SLC12A8: variants seen among roughly 807,000 people sequenced by gnomAD.
The protein encoded by SLC12A8 is cation-chloride cotransporter 9.
In SLC12A8, 69 loss-of-function variants were observed where a neutral mutation model predicts 75.6. The ratio of observed to expected loss-of-function variants is 0.91; its 90% CI spans 0.75 to 1.11. The LOEUF is 1.11. Ranked by LOEUF, SLC12A8 falls within the 50% of genes most tolerant of loss-of-function variation. SLC12A8 has a pLI of 0.00. For missense variants in SLC12A8, 877 were observed against 896.7 expected (o/e 0.98, Z 0.28); for synonymous variants, 365 against 372.8 (o/e 0.98, Z 0.24).
intron 2 of SLC12A8, among the ~76,000 whole-genome samples, chr3:125,198,608 G>A (rs1935053318): frequency 6.6e-6 from 1 of 152,060 alleles, no homozygotes; most frequent in Non-Finnish European, 1.5e-5. Flanking sequence ...ACTCCAGCCT[G>A]GGGGAGAATA....
At chr3:125,139,491 A>G (rs1403929568) in intron 5 of SLC12A8, among the ~76,000 whole-genome samples, 2 of 151,838 alleles carry the variant, frequency 1.3e-5, no homozygotes, top group Admixed American at 1.3e-4. Context: ...CCCCTCACCT[A>G]TCACCACCCC....
chr3:125,130,589 C>A (rs1251153192), intron 6 of SLC12A8, among the ~76,000 whole-genome samples: 2 of 79,408 alleles, frequency 2.5e-5, no homozygotes, highest in African/African-American at 3.6e-5. Flanking sequence ...GAGACCCTGT[C>A]TTAAAAAAAA....
chr3:125,200,374 G>C (rs1389785141), intron 2 of SLC12A8, among the ~76,000 whole-genome samples: 1 of 152,272 alleles, frequency 6.6e-6, no homozygotes, highest in East Asian at 1.9e-4. Flanking sequence ...ATCTGAGCCT[G>C]GGAGGTTAAG....
intron 2 of SLC12A8, among the ~76,000 whole-genome samples, chr3:125,210,416 A>T (rs1935313762): frequency 6.6e-6 from 1 of 152,192 alleles, no homozygotes; most frequent in Non-Finnish European, 1.5e-5. Context: ...GCTGAGGCTG[A>T]AGAGTTTGAG....
intron 5 of SLC12A8, among the ~76,000 whole-genome samples, chr3:125,168,594 A>G (rs1934342652): frequency 6.6e-6 from 1 of 152,178 alleles, no homozygotes; most frequent in South Asian, 2.1e-4. Context: ...GAACAGGAAA[A>G]CCAAGAAGAG....
At chr3:125,113,323 A>T (rs1001997741) in intron 8 of SLC12A8, among the ~76,000 whole-genome samples, 1 of 152,196 alleles carries the variant, frequency 6.6e-6, no homozygotes, top group Non-Finnish European at 1.5e-5. Flanking sequence ...TTACCACTTT[A>T]AAAAAATATA....
At chr3:125,142,630 C>G (rs781038502) in intron 5 of SLC12A8, among the ~76,000 whole-genome samples, 1 of 152,232 alleles carries the variant, frequency 6.6e-6, no homozygotes, top group African/African-American at 2.4e-5. Flanking sequence ...TGTAAACAAG[C>G]CCTTTTCCCT....
intron 5 of SLC12A8, among the ~76,000 whole-genome samples, chr3:125,155,567 C>T (rs1251119400): frequency 2.0e-5 from 3 of 149,676 alleles, no homozygotes; most frequent in Admixed American, 6.7e-5. Context: ...GTCAGGAGAT[C>T]GAGACCATCC....
intron 5 of SLC12A8, among the ~76,000 whole-genome samples, chr3:125,150,056 T>C (rs549516863): frequency 1.3e-5 from 2 of 152,300 alleles, no homozygotes; most frequent in East Asian, 3.9e-4. Flanking sequence ...CCTAGAAAAA[T>C]ACACTTATTT....
intron 10 of SLC12A8, among the ~76,000 whole-genome samples, chr3:125,105,533 A>G (rs1445497694): frequency 6.6e-6 from 1 of 152,246 alleles, no homozygotes; most frequent in African/African-American, 2.4e-5. Flanking sequence ...CCAAGCAAAG[A>G]AAAAACCAAG....
At chr3:125,179,602 T>C (rs573634273) in intron 4 of SLC12A8, among the ~76,000 whole-genome samples, 138 of 152,260 alleles carry the variant, frequency 9.1e-4, no homozygotes, top group Admixed American at 1.8e-3. Context: ...AAATTTACAC[T>C]TAGCTTAACA....
At chr3:125,090,289 G>A (rs528749378) in intron 12 of SLC12A8, among the ~76,000 whole-genome samples, 3 of 152,180 alleles carry the variant, frequency 2.0e-5, no homozygotes, top group South Asian at 4.2e-4. Flanking sequence ...CTCTGTTCTT[G>A]AATTGACTTG....
intron 10 of SLC12A8, among the ~76,000 whole-genome samples, chr3:125,098,399 T>C (rs985493762): frequency 5.3e-5 from 8 of 152,198 alleles, no homozygotes; most frequent in African/African-American, 1.9e-4. Flanking sequence ...TTTGGGGTTG[T>C]TTCCTTGATA....
intron 6 of SLC12A8, chr3:125,120,943 C>G: frequency 1.5e-6 from 1 of 681,954 alleles, no homozygotes; most frequent in Non-Finnish European, 2.6e-6. Flanking sequence ...AGCATCCTAC[C>G]GCTCAGCGCA....
At chr3:125,204,402 AAATG>A (rs1935186583) in intron 2 of SLC12A8, among the ~76,000 whole-genome samples, 1 of 152,258 alleles carries the variant, frequency 6.6e-6, no homozygotes, top group Admixed American at 6.5e-5. Flanking sequence ...TTAGCCATAA[AAATG>A]AATGAAATCC....
chr3:125,132,993 A>G lies in SLC12A8; in HGVS notation c.736+2676T>C, dbSNP rs1433723714. On this transcript the variant is annotated intron_variant, in intron 6 of 13. Coordinates refer to ENST00000469902, the MANE Select transcript of SLC12A8 (RefSeq NM_024628.6). ...AGTTAAATAAAGTGAGAGACTAAAA[A>G]TGCACGCTGCATTTAGTAACAAGGA... Among the ~76,000 whole-genome samples the G allele has an allele frequency of 2.0e-5, 3 of 152,102 alleles. No homozygotes were observed. The East Asian group carries it at 5.8e-4, about 29-fold the overall frequency.
At chr3:125,122,653 A>G (rs529701609) in intron 6 of SLC12A8, among the ~76,000 whole-genome samples, 1 of 152,296 alleles carries the variant, frequency 6.6e-6, no homozygotes, top group East Asian at 1.9e-4. Flanking sequence ...ACCCCAAATA[A>G]AGCCCTGCTC....
intron 5 of SLC12A8, among the ~76,000 whole-genome samples, chr3:125,140,631 A>T (rs1933607362): frequency 6.6e-6 from 1 of 152,090 alleles, no homozygotes; most frequent in African/African-American, 2.4e-5. Flanking sequence ...ATCTGAGTGA[A>T]TTCAGGCCTC....
chr3:125,157,947 A>G (rs1047200806), intron 5 of SLC12A8, among the ~76,000 whole-genome samples: 1 of 152,182 alleles, frequency 6.6e-6, no homozygotes, highest in Admixed American at 6.5e-5. Context: ...AAAGTTTTTC[A>G]GTGAACTGAT....
Sources: gnomAD v4.1 joint callset for allele counts (sites outside exome capture counted in the v4.1 genomes callset) on GRCh38, gnomAD v4.1.1 for gene constraint, MANE v1.5 for transcripts, NCBI Gene and HGNC (gene_info 2026-07-23, HGNC 2026-07-21) for gene names.